Variants in OPCML observed in about 807,000 individuals in gnomAD.
OPCML encodes the protein opioid-binding protein/cell adhesion molecule.
Under a neutral mutation model 37.8 loss-of-function variants are expected in OPCML, and 13 were observed. The ratio of observed to expected loss-of-function variants is 0.34; its 90% CI spans 0.22 to 0.55. The LOEUF (loss-of-function observed/expected upper bound fraction) is 0.55, where lower values mean the gene tolerates loss of function less well. OPCML is among the 20% of genes least tolerant of loss of function. The probability of loss-of-function intolerance (pLI) is 0.91; values close to 1 mark genes in which losing one functional copy is unlikely to be tolerated. For synonymous variants in OPCML, 176 were observed against 168.8 expected, an observed-to-expected ratio of 1.04 and a Z score of -0.33; for missense variants, 341 against 435.6, an observed-to-expected ratio of 0.78 and a Z score of 1.93.
chr11:132,871,051 A>G (rs1030973101), intron 2 of OPCML, among the ~76,000 whole-genome samples: 4 of 152,214 alleles, frequency 2.6e-5, no homozygotes, highest in African/African-American at 9.6e-5. Flanking sequence ...GTAGATTTTA[A>G]GTGTTCTCAT....
At chr11:133,067,028 C>A (rs1422083305) in intron 1 of OPCML, 1 of 152,108 alleles carries the variant, frequency 6.6e-6, no homozygotes, top group Non-Finnish European at 1.5e-5. Flanking sequence ...AGAGGTAAAA[C>A]CACTATAAAA....
chr11:133,156,192 C>T (rs193289694), intron 1 of OPCML, among the ~76,000 whole-genome samples: 19 of 152,298 alleles, frequency 1.2e-4, no homozygotes, highest in Middle Eastern at 6.8e-3. Flanking sequence ...CATTTTTATA[C>T]GATCCTTATC....
chr11:133,128,975 C>T (rs141071666), intron 1 of OPCML, among the ~76,000 whole-genome samples: 10 of 152,282 alleles, frequency 6.6e-5, no homozygotes, highest in East Asian at 1.9e-4. Context: ...CAATCATCTT[C>T]GAGGCCCTGA....
At chr11:132,632,623 T>A (rs777114565) in intron 3 of OPCML, among the ~76,000 whole-genome samples, 26 of 152,144 alleles carry the variant, frequency 1.7e-4, no homozygotes, top group Non-Finnish European at 2.9e-4. Flanking sequence ...GGTTCCATGA[T>A]AGCCAGCCCG....
chr11:133,265,353 A>C (rs1293188821), intron 1 of OPCML, among the ~76,000 whole-genome samples: 1 of 152,166 alleles, frequency 6.6e-6, no homozygotes, highest in East Asian at 1.9e-4. Context: ...TCTGCTCTGC[A>C]GGGTCTGATA....
chr11:132,901,138 C>G (rs1442593189), intron 2 of OPCML, among the ~76,000 whole-genome samples: 1 of 152,046 alleles, frequency 6.6e-6, no homozygotes, highest in Non-Finnish European at 1.5e-5. Flanking sequence ...CACCATCATG[C>G]CACTGCACTC....
intron 1 of OPCML, among the ~76,000 whole-genome samples, chr11:133,193,798 T>C (rs777747566): frequency 2.0e-5 from 3 of 152,188 alleles, no homozygotes; most frequent in Non-Finnish European, 4.4e-5. Flanking sequence ...GCTCTTTAAA[T>C]AGAAGAAGTC....
chr11:132,573,218 G>T (rs1403845284), intron 3 of OPCML, among the ~76,000 whole-genome samples: 3 of 150,802 alleles, frequency 2.0e-5, no homozygotes, highest in African/African-American at 4.9e-5. Flanking sequence ...TTCCAATTTG[G>T]ATGTTTTTTA....
intron 3 of OPCML, among the ~76,000 whole-genome samples, chr11:132,645,193 G>A (rs77940690): frequency 6.6e-6 from 1 of 152,086 alleles, no homozygotes; most frequent in African/African-American, 2.4e-5. Flanking sequence ...TCTTTTTAAG[G>A]TTTCACTAAG....
intron 1 of OPCML, among the ~76,000 whole-genome samples, chr11:133,484,359 T>A (rs976299589): frequency 6.6e-6 from 1 of 152,150 alleles, no homozygotes; most frequent in African/African-American, 2.4e-5. Context: ...ATATTCAATA[T>A]TCTATATCTA....
intron 1 of OPCML, among the ~76,000 whole-genome samples, chr11:133,132,455 T>C (rs1949619751): frequency 3.9e-5 from 6 of 152,276 alleles, no homozygotes; most frequent in Middle Eastern, 3.4e-3. Context: ...TACAACTACT[T>C]TGGAAAATAG....
intron 1 of OPCML, among the ~76,000 whole-genome samples, chr11:133,227,435 AAAAG>A (rs1940086483): frequency 6.6e-6 from 1 of 152,108 alleles, no homozygotes; most frequent in Non-Finnish European, 1.5e-5. Flanking sequence ...TCCCAGTTTG[AAAAG>A]AGAGAGGTTT....
At chr11:133,123,119 C>A (rs183699160) in intron 1 of OPCML, among the ~76,000 whole-genome samples, 4 of 152,200 alleles carry the variant, frequency 2.6e-5, no homozygotes, top group African/African-American at 7.2e-5. Flanking sequence ...TACACTGTGA[C>A]AACCCCAAGG....
intron 1 of OPCML, among the ~76,000 whole-genome samples, chr11:133,308,377 A>C (rs1013271978): frequency 6.6e-6 from 1 of 152,200 alleles, no homozygotes; most frequent in African/African-American, 2.4e-5. Context: ...TTAGGGTTAA[A>C]TAAAGAAAGA....
At chr11:133,366,597 G>T (rs762380040) in intron 1 of OPCML, among the ~76,000 whole-genome samples, 5 of 152,128 alleles carry the variant, frequency 3.3e-5, no homozygotes, top group Non-Finnish European at 7.3e-5. Context: ...GGAGAAGAAG[G>T]CGGAAGCCAA....
At chr11:133,401,965 T>C (rs567363730) in intron 1 of OPCML, among the ~76,000 whole-genome samples, 14 of 152,336 alleles carry the variant, frequency 9.2e-5, no homozygotes, top group African/African-American at 3.1e-4. Context: ...TTGTCAATCT[T>C]GAAAATCAAC....
chr11:132,997,489 T>G (rs1946909094), intron 1 of OPCML, among the ~76,000 whole-genome samples: 1 of 152,180 alleles, frequency 6.6e-6, no homozygotes, highest in Non-Finnish European at 1.5e-5. Context: ...TGCATCTGAT[T>G]GGCACATCCC....
chr11:132,889,761 CAGGGATG>C (rs1366106854), intron 2 of OPCML, among the ~76,000 whole-genome samples: 9 of 152,178 alleles, frequency 5.9e-5, no homozygotes, highest in Non-Finnish European at 1.3e-4. Flanking sequence ...TCAATTAGTA[CAGGGATG>C]AGGTTTGTCT....
In OPCML at chr11:133,106,060, T is replaced by A. The variant is rs190142325; in HGVS notation, c.62-163050A>T. The stretch of plus-strand genomic sequence containing the variant: ...CAATGGTGCCATTTTTAAAATAACA[T>A]AATATTTTATCTAGATCCACTACAG... On this transcript the variant is annotated intron_variant, in intron 1 of 7. Coordinates refer to ENST00000524381, the MANE Select transcript of OPCML (RefSeq NM_001012393.5). 2.6e-5 allele frequency among the ~76,000 whole-genome samples: 4 copies of A among 152,236 alleles called. No individual in the cohort carries two copies. In the East Asian group the frequency reaches 7.7e-4, roughly 29 times the overall value.
Sources: gnomAD v4.1 joint callset for allele counts (sites outside exome capture counted in the v4.1 genomes callset) on GRCh38, gnomAD v4.1.1 for gene constraint, MANE v1.5 for transcripts, NCBI Gene and HGNC (gene_info 2026-07-23, HGNC 2026-07-21) for gene names.